The following LRBA variants were observed in gnomAD, a reference collection of about 807,000 sequenced individuals.
LRBA encodes lipopolysaccharide-responsive and beige-like anchor protein.
Under a neutral mutation model 330.0 loss-of-function variants are expected in LRBA, and 176 were observed. That is an observed-to-expected ratio of 0.53 (90% CI 0.47 to 0.60). The LOEUF is 0.60. Ranked by LOEUF, LRBA falls within the 20% of genes least tolerant of loss-of-function variation. The probability of loss-of-function intolerance (pLI) is 0.00; values close to 1 mark genes in which losing one functional copy is unlikely to be tolerated. For missense variants in LRBA, 3,259 were observed against 3,444.8 expected (o/e 0.95, Z 1.35); for synonymous variants, 1,230 against 1,193.0 (o/e 1.03, Z -0.64).
At chr4:150,651,512 T>C (rs1389427572) in intron 37 of LRBA, among the ~76,000 whole-genome samples, 1 of 152,190 alleles carries the variant, frequency 6.6e-6, no homozygotes, top group African/African-American at 2.4e-5. Flanking sequence ...CATTCATTCA[T>C]TGGTTTCTGT....
chr4:150,301,597 GA>G, intron 53 of LRBA, among the ~76,000 whole-genome samples: 1 of 104,314 alleles, frequency 9.6e-6, no homozygotes, highest in East Asian at 3.5e-4. Flanking sequence ...TAAATGTTTT[GA>G]AAAAAAGGTT....
intron 56 of LRBA, 32 bp downstream of exon 56, chr4:150,277,821 C>T (rs751740913): frequency 6.2e-7 from 1 of 1,607,872 alleles, no homozygotes; most frequent in East Asian, 2.2e-5. Flanking sequence ...GTTTTTGAAA[C>T]CCCTATTTGT....
Position 150,407,258 on chromosome 4 carries a change from A to G in LRBA, c.7194+8180T>C, listed in dbSNP as rs1746332129. 2.0e-5 allele frequency among the ~76,000 whole-genome samples: 3 copies of G among 152,208 alleles called. No individual in the cohort carries two copies. The South Asian group carries it at 6.2e-4, about 31-fold the overall frequency. ...GGACGAAGTGTGATACTGATTTCAG[A>G]TTTCTGGACTCTAGAACTGTGAAAG... is the stretch of plus-strand genomic sequence containing the variant. On this transcript the variant is annotated intron_variant, in intron 47 of 56. Transcript: ENST00000651943.
intron 34 of LRBA, among the ~76,000 whole-genome samples, chr4:150,768,742 C>CTCT (rs35315347): frequency 0.69 from 104,468 of 151,422 alleles, 41,829 homozygotes; most frequent in Non-Finnish European, 0.9. Context: ...TGAGGAAACC[C>CTCT]TCTTCTGTGA....
rs867369375 is a variant in LRBA at position 150,800,220 on chromosome 4, C to A, written c.5519-2078G>T. Among the ~76,000 whole-genome samples, 13 of 152,250 alleles carry A rather than the reference C, an allele frequency of 8.5e-5. No homozygotes were observed. The South Asian group carries it at 2.7e-3, about 32-fold the overall frequency. ...TTCACTGACAAAGCTAGTAAAAGGT[C>A]AAATAACATTTCATAGTTCGGTTTG... On this transcript the variant is annotated intron_variant, in intron 33 of 56. Coordinates refer to ENST00000651943, the MANE Select transcript of LRBA (RefSeq NM_001364905.1).
At chr4:150,807,709 G>C (rs1037131403) in intron 32 of LRBA, among the ~76,000 whole-genome samples, 1 of 151,880 alleles carries the variant, frequency 6.6e-6, no homozygotes, top group African/African-American at 2.4e-5. Flanking sequence ...GCAGTGGTGC[G>C]ATCTCGGCTC....
At chr4:150,735,593 A>G (rs956503937) in intron 35 of LRBA, among the ~76,000 whole-genome samples, 1 of 152,216 alleles carries the variant, frequency 6.6e-6, no homozygotes, top group Admixed American at 6.5e-5. Flanking sequence ...ATGTAACAAA[A>G]GCAACTAAAA....
chr4:150,355,290 A>G (rs925914824), intron 47 of LRBA, among the ~76,000 whole-genome samples: 7 of 152,060 alleles, frequency 4.6e-5, no homozygotes, highest in Admixed American at 4.6e-4. Context: ...ATTTCAATCA[A>G]CAAAGGAAAT....
At chr4:150,287,579 G>A (rs116253283) in intron 53 of LRBA, among the ~76,000 whole-genome samples, 127 of 152,308 alleles carry the variant, frequency 8.3e-4, no homozygotes, top group African/African-American at 2.9e-3. Context: ...ATAATGCACG[G>A]CCATGTCCCT....
At position 150,589,138 on chromosome 4, in the gene LRBA, C is replaced by T. The variant is rs1222726392; in HGVS notation, c.6194-954G>A. 2.0e-5 allele frequency among the ~76,000 whole-genome samples: 3 copies of T among 151,338 alleles called. No individual in the cohort carries two copies. The East Asian group carries it at 5.8e-4, about 29-fold the overall frequency. On this transcript the variant is annotated intron_variant, in intron 39 of 56. Coordinates refer to ENST00000651943, the MANE Select transcript of LRBA (RefSeq NM_001364905.1). Reference sequence around the variant, plus strand: ...TTATCAATTCCTCATGGTATAAATCCTATAGGGGAAGAAAACAGCATAAGA... The same window carrying T: ...TTATCAATTCCTCATGGTATAAATCTTATAGGGGAAGAAAACAGCATAAGA...
At chr4:150,959,638 T>C (rs1281049588) in intron 2 of LRBA, among the ~76,000 whole-genome samples, 1 of 148,666 alleles carries the variant, frequency 6.7e-6, no homozygotes, top group African/African-American at 2.6e-5. Flanking sequence ...TAACAACGAA[T>C]TGGTCTCCTG....
chr4:150,630,156 T>C (rs1777234916), intron 37 of LRBA, among the ~76,000 whole-genome samples: 1 of 152,158 alleles, frequency 6.6e-6, no homozygotes, highest in South Asian at 2.1e-4. Flanking sequence ...CCTAAATAAT[T>C]TTCAATCCAT....
intron 13 of LRBA, among the ~76,000 whole-genome samples, chr4:150,902,340 T>A (rs1016098012): frequency 1.6e-4 from 24 of 152,150 alleles, no homozygotes; most frequent in African/African-American, 5.8e-4. Flanking sequence ...CAATCTTGAC[T>A]GCACATTAAA....
In LRBA at chr4:150,487,791, T is replaced by G. The variant is rs1297497686; in HGVS notation, c.6492A>C (p.Lys2164Asn). The G allele has an allele frequency of 8.8e-6, 14 of 1,597,004 alleles. No individual in the cohort carries two copies. Among genetic ancestry groups the G allele is most frequent in the Non-Finnish European group, 1.0e-5 (12 of 1,168,026 alleles). The change falls in exon 42 of 57, where the codon AAA becomes AAC. Residue 2164 changes from lysine to asparagine, a missense_variant. By Grantham distance (94) the Lys-to-Asn change is moderately conservative (BLOSUM62 0). Coordinates refer to ENST00000651943, the MANE Select transcript of LRBA (RefSeq NM_001364905.1). Reference sequence around the variant, plus strand: ...CAACACGAGGTAGATAGTTAACCACTTTCTTTACTGTTGCAGGGTCTGGGA... The same window carrying G: ...CAACACGAGGTAGATAGTTAACCACGTTCTTTACTGTTGCAGGGTCTGGGA... ...FNFPDPATVKKVVNYLPRVGV... is the reference protein window; with the variant it reads ...FNFPDPATVKNVVNYLPRVGV...
chr4:150,613,398 T>C (rs28704694), intron 37 of LRBA, among the ~76,000 whole-genome samples: 1 of 152,214 alleles, frequency 6.6e-6, no homozygotes, highest in Non-Finnish European at 1.5e-5. Flanking sequence ...TAACAGATGT[T>C]AACCAGAATA....
chr4:150,376,785 GT>G (rs1352382240), intron 47 of LRBA, among the ~76,000 whole-genome samples: 1 of 152,166 alleles, frequency 6.6e-6, no homozygotes, highest in Non-Finnish European at 1.5e-5. Context: ...AACCCCGGGT[GT>G]TTTTGTTTTG....
chr4:150,533,824 C>T (rs1003057336), intron 40 of LRBA, among the ~76,000 whole-genome samples: 1 of 152,090 alleles, frequency 6.6e-6, no homozygotes, highest in Non-Finnish European at 1.5e-5. Context: ...GATATTTTGG[C>T]AAGTTTGCCT....
At chr4:150,923,801 A>G (rs1205779123) in intron 4 of LRBA, among the ~76,000 whole-genome samples, 16 of 152,196 alleles carry the variant, frequency 1.1e-4, no homozygotes, top group Admixed American at 1.0e-3. Context: ...ACAGGGTCAA[A>G]CTACAAATGA....
intron 42 of LRBA, among the ~76,000 whole-genome samples, chr4:150,482,854 CA>C (rs1023693237): frequency 6.6e-6 from 1 of 151,864 alleles, no homozygotes; most frequent in African/African-American, 2.4e-5. Context: ...TCAAAACTTA[CA>C]TTTTTTTTTT....
Sources: allele counts gnomAD v4.1 joint callset (sites outside exome capture counted in the v4.1 genomes callset), GRCh38; gene constraint gnomAD v4.1.1; transcripts MANE v1.5; gene names NCBI Gene and HGNC (gene_info 2026-07-23, HGNC 2026-07-21).